PAFAH1B2: variants seen among roughly 807,000 people sequenced by gnomAD.
PAFAH1B2 encodes the protein platelet-activating factor acetylhydrolase IB subunit alpha2.
PAFAH1B2 carries 8 observed loss-of-function variants against 28.0 expected under a neutral mutation model. The ratio of observed to expected loss-of-function variants is 0.29; its 90% CI spans 0.17 to 0.52. The LOEUF is 0.52. Ranked by LOEUF, PAFAH1B2 falls within the 20% of genes least tolerant of loss-of-function variation. PAFAH1B2 has a pLI of 0.97. For synonymous variants in PAFAH1B2, 104 were observed against 103.2 expected (o/e 1.01, Z -0.05); for missense variants, 190 against 282.6 (o/e 0.67, Z 2.35).
rs186145714 is a variant in PAFAH1B2, at chr11:117,160,953, G to T, written c.172-192G>T. 1.6e-3 allele frequency among the ~76,000 whole-genome samples: 237 copies of T among 152,240 alleles called. 1 individual carries two copies. Among genetic ancestry groups the T allele is most frequent in the Middle Eastern group, 6.8e-3 (2 of 294 alleles). On this transcript the variant is annotated intron_variant, in intron 3 of 5. Transcript: ENST00000527958. ...GATTGAGTTGTGACTCATTTCTTGA[G>T]CTGAGACCTAAGGCTGCATTAAGAA...
At chr11:117,175,038 C>T (rs2029897353), downstream of PAFAH1B2, 4 of 1,365,016 alleles carry the variant, frequency 2.9e-6, no homozygotes, top group Non-Finnish European at 3.8e-6. Flanking sequence ...CAGCAAGCTC[C>T]TCAGCTGTGT....
At position 117,163,875 on chromosome 11, in the gene PAFAH1B2, G is replaced by A. The variant is rs1956436187; in HGVS notation, c.394G>A (p.Ala132Thr). 1 of 1,613,764 alleles carries A rather than the reference G, an allele frequency of 6.2e-7. No homozygotes were observed. The highest frequency in any genetic ancestry group is 8.5e-7 in the Non-Finnish European group (1 of 1,179,862). The change falls in exon 5 of 6, where the codon GCC becomes ACC. Residue 132 changes from alanine to threonine, a missense_variant. Transcript: ENST00000527958. The part of the protein sequence containing the change: ...VQLINTRQPQ[A>T]KIIVLGLLPR... The stretch of plus-strand genomic sequence containing the variant: ...ACTTATCAACACAAGGCAGCCACAG[G>A]CCAAAATCATTGTATTGGTATGTAG...
chr11:117,170,958 T>A lies in PAFAH1B2; in HGVS notation c.*3259T>A, dbSNP rs543900517. 5.7e-6 allele frequency: 6 copies of A among 1,053,684 alleles called. No individual in the cohort carries two copies. Among genetic ancestry groups the A allele is most frequent in the Middle Eastern group, 4.3e-4 (1 of 2,338 alleles). The allele number at this position is 1,053,684 out of a possible 1,614,324, so 65.3% of individuals were successfully genotyped here. A position where few individuals can be genotyped will look rare whatever the true frequency, so the allele number is the denominator to read the frequency against. On this transcript the variant is annotated 3_prime_UTR_variant, in exon 6 of 6. Coordinates refer to ENST00000527958, the MANE Select transcript of PAFAH1B2 (RefSeq NM_002572.4). ...ACTGGACCTCCCCATTGGAAGTTTGTGATTTTGCTTTGGCAAAGTTTCATT... is the reference window on the plus strand; with the variant it reads ...ACTGGACCTCCCCATTGGAAGTTTGAGATTTTGCTTTGGCAAAGTTTCATT...
At chr11:117,160,677 G>A (rs1005889016) in intron 3 of PAFAH1B2, among the ~76,000 whole-genome samples, 12 of 151,996 alleles carry the variant, frequency 7.9e-5, no homozygotes, top group African/African-American at 7.3e-5. Flanking sequence ...GGCTGGTCTC[G>A]AACTCTTGGC....
chr11:117,154,058 G>A (rs983368875), intron 2 of PAFAH1B2, among the ~76,000 whole-genome samples: 12 of 150,670 alleles, frequency 8.0e-5, no homozygotes, highest in Admixed American at 4.0e-4. Flanking sequence ...AGGCTACAAT[G>A]AACTATAATT....
chr11:117,170,758 T>C lies in PAFAH1B2; in HGVS notation c.*3059T>C. 9.4e-7 allele frequency: 1 copy of C among 1,061,362 alleles called. No homozygotes were observed. The highest frequency in any genetic ancestry group is 1.1e-6 in the Non-Finnish European group (1 of 876,832). 65.7% of individuals were successfully genotyped at this position (1,061,362 alleles called of 1,614,324 possible). Reference sequence around the variant, plus strand: ...GTATGAGCATTGCCAACTTTATATTTATTGCAGTGAAGAAGAAACTAAAAA... The same window carrying C: ...GTATGAGCATTGCCAACTTTATATTCATTGCAGTGAAGAAGAAACTAAAAA... On this transcript the variant is annotated 3_prime_UTR_variant, in exon 6 of 6. Coordinates refer to ENST00000527958, the MANE Select transcript of PAFAH1B2 (RefSeq NM_002572.4).
downstream of PAFAH1B2, among the ~76,000 whole-genome samples, chr11:117,177,886 C>T (rs367811159): frequency 1.3e-5 from 2 of 152,160 alleles, no homozygotes; most frequent in East Asian, 3.9e-4. Flanking sequence ...CTTACGTGTC[C>T]TGTGAAGTCT....
Position 117,168,689 on chromosome 11 carries a change from G to T in PAFAH1B2, c.*990G>T. ...TGTTAACAGTTTTTTTTGGGGGTGG[G>T]GGGATTCAGAACTCTTGTTTCCCAT... On this transcript the variant is annotated 3_prime_UTR_variant, in exon 6 of 6. Coordinates refer to ENST00000527958, the MANE Select transcript of PAFAH1B2 (RefSeq NM_002572.4). 9.4e-7 allele frequency: 1 copy of T among 1,061,512 alleles called. No individual in the cohort carries two copies. The highest frequency in any genetic ancestry group is 1.1e-6 in the Non-Finnish European group (1 of 877,064). The allele number at this position is 1,061,512 out of a possible 1,614,324, so 65.8% of individuals were successfully genotyped here. A position where few individuals can be genotyped will look rare whatever the true frequency, so the allele number is the denominator to read the frequency against.
chr11:117,149,439 T>TTTTTTTTTTTTC (rs1479811652), intron 1 of PAFAH1B2, among the ~76,000 whole-genome samples: 2 of 128,782 alleles, frequency 1.6e-5, no homozygotes, highest in Non-Finnish European at 3.3e-5. Flanking sequence ...CGTTTTTTTT[T>TTTTTTTTTTTTC]TTTTTGAGAT....
At chr11:117,156,508 G>A (rs1417925415) in intron 2 of PAFAH1B2, among the ~76,000 whole-genome samples, 1 of 152,154 alleles carries the variant, frequency 6.6e-6, no homozygotes, top group Non-Finnish European at 1.5e-5. Flanking sequence ...CTATGTAAAA[G>A]GGGTAACAGA....
rs1441132149 is a variant in PAFAH1B2, at chr11:117,168,557, C to T, written c.*858C>T. ...AGTATAGTCTCCAGCCAGTTACTCT[C>T]ATGATAGTACTGCTATAAAACTCAT... On this transcript the variant is annotated 3_prime_UTR_variant, in exon 6 of 6. Transcript: ENST00000527958. The T allele has an allele frequency of 9.6e-7, 1 of 1,045,254 alleles. No individual in the cohort carries two copies. Among genetic ancestry groups the T allele is most frequent in the Non-Finnish European group, 1.1e-6 (1 of 869,666 alleles). The allele number at this position is 1,045,254 out of a possible 1,614,324, so 64.7% of individuals were successfully genotyped here.
chr11:117,168,011 A>C lies in PAFAH1B2; in HGVS notation c.*312A>C. On this transcript the variant is annotated 3_prime_UTR_variant, in exon 6 of 6. Coordinates refer to ENST00000527958, the MANE Select transcript of PAFAH1B2 (RefSeq NM_002572.4). Reference sequence around the variant, plus strand: ...TTTTCTTGGGACAACATCAAGCCTAAATACTGAACAATATGAAGATTCTTT... The same window carrying C: ...TTTTCTTGGGACAACATCAAGCCTACATACTGAACAATATGAAGATTCTTT... 1 of 1,075,098 alleles carries C rather than the reference A, an allele frequency of 9.3e-7. No individual in the cohort carries two copies. The highest frequency in any genetic ancestry group is 5.3e-5 in the Admixed American group (1 of 19,020). The allele number at this position is 1,075,098 out of a possible 1,614,324, so 66.6% of individuals were successfully genotyped here.
At position 117,150,751 on chromosome 11, in the gene PAFAH1B2, T is replaced by A. The variant is rs192088193; in HGVS notation, c.-7-1690T>A. Reference sequence around the variant, plus strand: ...GCAAGGGAAAGAAAAAGATTGCTTATATAGAAGATGACCTCCTTTTCTTCA... The same window carrying A: ...GCAAGGGAAAGAAAAAGATTGCTTAAATAGAAGATGACCTCCTTTTCTTCA... On this transcript the variant is annotated intron_variant, in intron 1 of 5. Coordinates refer to ENST00000527958, the MANE Select transcript of PAFAH1B2 (RefSeq NM_002572.4). Among the ~76,000 whole-genome samples, 29 of 152,186 alleles carry A rather than the reference T, an allele frequency of 1.9e-4. 1 individual carries two copies.
chr11:117,153,901 C>T (rs1412264176), intron 2 of PAFAH1B2, among the ~76,000 whole-genome samples: 1 of 151,404 alleles, frequency 6.6e-6, no homozygotes, highest in East Asian at 1.9e-4. Flanking sequence ...TCAGATTTCT[C>T]CAGTTGTCCC....
chr11:117,149,269 G>T (rs575002205), intron 1 of PAFAH1B2, among the ~76,000 whole-genome samples: 2 of 151,106 alleles, frequency 1.3e-5, no homozygotes, highest in Non-Finnish European at 2.9e-5. Context: ...TTTTTGTAGA[G>T]ACGGGGTCTC....
rs569021116 is a variant in PAFAH1B2 at position 117,168,979 on chromosome 11, C to T, written c.*1280C>T. ...CTAATTTTTATATTTTTATTAGAGACGGGATTTCGCCATGTTAACCAGGCT... is the reference window on the plus strand; with the variant it reads ...CTAATTTTTATATTTTTATTAGAGATGGGATTTCGCCATGTTAACCAGGCT... On this transcript the variant is annotated 3_prime_UTR_variant, in exon 6 of 6. Coordinates refer to ENST00000527958, the MANE Select transcript of PAFAH1B2 (RefSeq NM_002572.4). The T allele has an allele frequency of 1.8e-4, 60 of 325,766 alleles. No homozygotes were observed. Among genetic ancestry groups the T allele is most frequent in the African/African-American group, 9.3e-4 (42 of 45,108 alleles). The allele number at this position is 325,766 out of a possible 1,614,324, so 20.2% of individuals were successfully genotyped here. A position where few individuals can be genotyped will look rare whatever the true frequency, so the allele number is the denominator to read the frequency against.
rs1016457259 is a variant in PAFAH1B2, at chr11:117,163,713, G to A, written c.289-57G>A. On this transcript the variant is annotated intron_variant, in intron 4 of 5. Coordinates refer to ENST00000527958, the MANE Select transcript of PAFAH1B2 (RefSeq NM_002572.4). Reference sequence around the variant, plus strand: ...AAAGATTTTCATCTAAATGTTGGACGTTCCTTTGTTCCTGGGTATTTATCT... The same window carrying A: ...AAAGATTTTCATCTAAATGTTGGACATTCCTTTGTTCCTGGGTATTTATCT... 80 of 1,514,728 alleles carry A rather than the reference G, an allele frequency of 5.3e-5. No homozygotes were observed. The African/African-American group carries it at 7.7e-4, about 15-fold the overall frequency. 93.8% of individuals were successfully genotyped at this position (1,514,728 alleles called of 1,614,324 possible). A position where few individuals can be genotyped will look rare whatever the true frequency, so the allele number is the denominator to read the frequency against.
downstream of PAFAH1B2, chr11:117,175,047 G>C: frequency 7.5e-7 from 1 of 1,327,832 alleles, no homozygotes; most frequent in Admixed American, 3.6e-5. Flanking sequence ...CCTCAGCTGT[G>C]TGTTGAATGG....
At chr11:117,154,672 G>A (rs901682023) in intron 2 of PAFAH1B2, among the ~76,000 whole-genome samples, 3 of 152,020 alleles carry the variant, frequency 2.0e-5, no homozygotes, top group African/African-American at 7.3e-5. Context: ...TTGAACTCTC[G>A]GCCTCAAGTG....
Sources: allele counts gnomAD v4.1 joint callset (sites outside exome capture counted in the v4.1 genomes callset), GRCh38; gene constraint gnomAD v4.1.1; transcripts MANE v1.5; gene names NCBI Gene and HGNC (gene_info 2026-07-23, HGNC 2026-07-21).